Variants in NDUFAF6 observed in about 807,000 individuals in gnomAD.
NDUFAF6 encodes NADH dehydrogenase (ubiquinone) complex I, assembly factor 6.
Under a neutral mutation model 40.8 loss-of-function variants are expected in NDUFAF6, and 45 were observed. The observed-to-expected ratio is 1.10, with a 90% CI of 0.87 to 1.42. The LOEUF is 1.42. NDUFAF6 is among the 40% of genes most tolerant of loss of function. The probability of loss-of-function intolerance (pLI) is 0.00; values close to 1 mark genes in which losing one functional copy is unlikely to be tolerated. For missense variants in NDUFAF6, 435 were observed against 418.5 expected, an observed-to-expected ratio of 1.04 and a Z score of -0.34; for synonymous variants, 185 against 155.9, an observed-to-expected ratio of 1.19 and a Z score of -1.39.
At chr8:94,970,729 A>AAAATG (rs1824399342) in intron 1 of NDUFAF6, among the ~76,000 whole-genome samples, 1 of 152,240 alleles carries the variant, frequency 6.6e-6, no homozygotes, top group African/African-American at 2.4e-5. Flanking sequence ...GTAACACAGG[A>AAAATG]AAATGTCTAT....
chr8:94,968,575 T>C (rs890025345), intron 1 of NDUFAF6, among the ~76,000 whole-genome samples: 2 of 152,242 alleles, frequency 1.3e-5, no homozygotes, highest in Middle Eastern at 3.4e-3. Context: ...CCAAGGTGCC[T>C]GGAGCTGAGT....
chr8:95,086,293 GA>G (rs769632787), intron 2 of NDUFAF6, among the ~76,000 whole-genome samples: 98 of 152,304 alleles, frequency 6.4e-4, no homozygotes, highest in Non-Finnish European at 1.2e-3. Flanking sequence ...AAAATAAACA[GA>G]AAACAGTGTT....
chr8:95,033,662 T>G (rs1032817963), intron 2 of NDUFAF6, among the ~76,000 whole-genome samples: 2 of 152,274 alleles, frequency 1.3e-5, no homozygotes, highest in Middle Eastern at 3.4e-3. Context: ...GTTCCTATTT[T>G]ATGTAGGATG....
chr8:94,924,580 C>A (rs1275298071), intron 1 of NDUFAF6, among the ~76,000 whole-genome samples: 1 of 152,184 alleles, frequency 6.6e-6, no homozygotes, highest in Non-Finnish European at 1.5e-5. Flanking sequence ...CCCATCCCCA[C>A]AAGCCACCTT....
At chr8:94,926,311 A>G (rs1258799916) in intron 1 of NDUFAF6, 1 of 152,610 alleles carries the variant, frequency 6.6e-6, no homozygotes, top group Non-Finnish European at 1.5e-5. Context: ...ACACATTAAG[A>G]AGGCACATGT....
chr8:95,062,627 A>C (rs150117372), downstream of NDUFAF6, among the ~76,000 whole-genome samples: 416 of 152,318 alleles, frequency 2.7e-3, 1 homozygote, highest in African/African-American at 9.6e-3. Context: ...TGGTTCAGGA[A>C]AATTGGTGAA....
At chr8:94,938,076 C>A (rs575049315) in intron 1 of NDUFAF6, among the ~76,000 whole-genome samples, 2 of 152,210 alleles carry the variant, frequency 1.3e-5, no homozygotes, top group Non-Finnish European at 2.9e-5. Flanking sequence ...ATATTAATAC[C>A]TTGAAACAGG....
intron 2 of NDUFAF6, among the ~76,000 whole-genome samples, chr8:95,083,581 TA>T (rs994409893): frequency 3.3e-5 from 5 of 152,150 alleles, no homozygotes; most frequent in African/African-American, 1.2e-4. Context: ...TTTAAACGGA[TA>T]AAATAAGCAG....
chr8:94,986,991 G>A (rs1181520137), intron 2 of NDUFAF6, among the ~76,000 whole-genome samples: 2 of 152,066 alleles, frequency 1.3e-5, no homozygotes, highest in African/African-American at 4.8e-5. Context: ...ACACCATTAT[G>A]AATAGATGAT....
intron 2 of NDUFAF6, 114 bp downstream of exon 2, chr8:95,032,208 C>A: frequency 1.1e-6 from 1 of 894,346 alleles, no homozygotes; most frequent in South Asian, 1.4e-5. Context: ...TTTAAGGTCT[C>A]TGCTAGTGAT....
chr8:94,948,861 G>A (rs1298377009), intron 2 of NDUFAF6, among the ~76,000 whole-genome samples: 2 of 151,938 alleles, frequency 1.3e-5, no homozygotes. Flanking sequence ...ACTCCCAACC[G>A]CCGCCCAGCG....
rs765161552 is a variant in NDUFAF6 at position 95,047,026 on chromosome 8, A to G, written c.613A>G (p.Ser205Gly). The change falls in exon 6 of 9, where the codon AGT (serine) becomes GGT (glycine). Residue 205 changes from serine to glycine, a missense_variant. Coordinates refer to ENST00000396124, the MANE Select transcript of NDUFAF6 (RefSeq NM_152416.4). ...IKDLHADHAA[S>G]HIGKAQGIVT... Reference sequence around the variant, plus strand: ...GGATCTTCATGCAGATCATGCTGCAAGTCATATTGGAAAAGCACAAGGCAT... The same window carrying G: ...GGATCTTCATGCAGATCATGCTGCAGGTCATATTGGAAAAGCACAAGGCAT... 5.6e-6 allele frequency: 9 copies of G among 1,614,164 alleles called. No homozygotes were observed. The highest frequency in any genetic ancestry group is 7.6e-6 in the Non-Finnish European group (9 of 1,180,018).
At chr8:95,042,693 C>A (rs1830276719) in intron 4 of NDUFAF6, among the ~76,000 whole-genome samples, 1 of 152,126 alleles carries the variant, frequency 6.6e-6, no homozygotes, top group South Asian at 2.1e-4. Flanking sequence ...ATAATCTTAA[C>A]AAAGAAGAAC....
chr8:94,983,712 TA>T (rs1825627901), intron 2 of NDUFAF6, among the ~76,000 whole-genome samples: 1 of 152,204 alleles, frequency 6.6e-6, no homozygotes, highest in Admixed American at 6.5e-5. Flanking sequence ...GGATATTAAG[TA>T]ACTTTTCTAA....
chr8:95,118,287 G>A (rs1810174879), downstream of NDUFAF6, among the ~76,000 whole-genome samples: 1 of 152,200 alleles, frequency 6.6e-6, no homozygotes. Flanking sequence ...GGATGTCCTG[G>A]AACATCCTTG....
intron 9 of NDUFAF6, among the ~76,000 whole-genome samples, chr8:95,071,129 G>T (rs1241913021): frequency 1.3e-5 from 2 of 151,958 alleles, no homozygotes; most frequent in African/African-American, 4.8e-5. Flanking sequence ...GGTGGCTCAA[G>T]CCTGTAATCC....
chr8:94,895,900 G>C (rs913652559), exon 1 of NDUFAF6: 1 of 153,626 alleles, frequency 6.5e-6, no homozygotes, highest in African/African-American at 2.4e-5. Context: ...GCGCGCCCAG[G>C]GAAGGCATTT....
chr8:94,942,112 T>C (rs971942273), intron 1 of NDUFAF6, among the ~76,000 whole-genome samples: 2 of 151,802 alleles, frequency 1.3e-5, no homozygotes, highest in Admixed American at 1.3e-4. Context: ...TCTTGGCTCA[T>C]TCCAAGCTCT....
intron 2 of NDUFAF6, among the ~76,000 whole-genome samples, chr8:94,982,423 T>G (rs1004528939): frequency 2.6e-5 from 4 of 152,238 alleles, no homozygotes; most frequent in African/African-American, 9.6e-5. Flanking sequence ...AGGTATACTC[T>G]ATGATATTTG....
Sources: gnomAD v4.1 joint callset for allele counts (sites outside exome capture counted in the v4.1 genomes callset) on GRCh38, gnomAD v4.1.1 for gene constraint, MANE v1.5 for transcripts, NCBI Gene and HGNC (gene_info 2026-07-23, HGNC 2026-07-21) for gene names.